NCKAP5: variants seen among roughly 807,000 people sequenced by gnomAD.
NCKAP5 encodes NCK associated protein 5.
NCKAP5 carries 92 observed loss-of-function variants against 167.0 expected under a neutral mutation model. The ratio of observed to expected loss-of-function variants is 0.55; its 90% CI spans 0.47 to 0.66. The LOEUF (loss-of-function observed/expected upper bound fraction) is 0.66. NCKAP5 is among the 30% of genes least tolerant of loss of function. NCKAP5 has a pLI of 0.00. For synonymous variants in NCKAP5, 891 were observed against 877.4 expected (o/e 1.02, Z -0.27); for missense variants, 2,378 against 2,315.0 (o/e 1.03, Z -0.56).
intron 8 of NCKAP5, among the ~76,000 whole-genome samples, chr2:132,907,818 C>T (rs555327227): frequency 2.0e-5 from 3 of 151,864 alleles, no homozygotes; most frequent in Non-Finnish European, 2.9e-5. Flanking sequence ...CCACCATGCC[C>T]GGCTAATTTT....
At chr2:132,966,131 G>T (rs550214534) in intron 7 of NCKAP5, among the ~76,000 whole-genome samples, 3 of 152,052 alleles carry the variant, frequency 2.0e-5, no homozygotes, top group Non-Finnish European at 4.4e-5. Flanking sequence ...ATGGAGACTC[G>T]CTCTGTTACC....
At chr2:132,893,496 A>G (rs1692891377) in intron 8 of NCKAP5, among the ~76,000 whole-genome samples, 1 of 152,248 alleles carries the variant, frequency 6.6e-6, no homozygotes, top group South Asian at 2.1e-4. Context: ...TGAGAACTGC[A>G]TATTGAATCT....
rs1216837165 is a variant in NCKAP5, at chr2:132,782,096, G to T, written c.4715C>A (p.Thr1572Asn). The part of the protein sequence containing the change: ...CETENELIKD[T>N]KSADNPDGGL... ...GCCATCTGGATTATCTGCTGACTTG[G>T]TGTCCTTGATAAGCTCATTTTCTGT... The change falls in exon 14 of 20, where the codon ACC becomes AAC. Residue 1572 changes from threonine (T) to asparagine (N), a missense_variant. Physicochemically the swap from Thr to Asn is moderately conservative, Grantham distance 65. This residue lies in a region of NCKAP5 where 1,325 missense variants were observed against 1,274.5 expected (regional missense o/e 1.04). Transcript: ENST00000409261. 6.2e-7 allele frequency: 1 copy of T among 1,613,922 alleles called. No homozygotes were observed. The highest frequency in any genetic ancestry group is 1.3e-5 in the African/African-American group (1 of 74,930).
intron 3 of NCKAP5, among the ~76,000 whole-genome samples, chr2:133,303,512 T>C (rs1680552886): frequency 6.6e-6 from 1 of 152,182 alleles, no homozygotes; most frequent in African/African-American, 2.4e-5. Context: ...GCAAAAGTAA[T>C]GTTTTCAAAC....
chr2:133,018,989 T>C (rs2078436969), intron 6 of NCKAP5, among the ~76,000 whole-genome samples: 2 of 152,154 alleles, frequency 1.3e-5, no homozygotes, highest in Non-Finnish European at 2.9e-5. Flanking sequence ...CTTACTAAAA[T>C]GCAATGACTC....
At chr2:133,057,458 G>C (rs562853647) in intron 6 of NCKAP5, among the ~76,000 whole-genome samples, 100 of 152,330 alleles carry the variant, frequency 6.6e-4, no homozygotes, top group African/African-American at 2.2e-3. Flanking sequence ...TACTACTTCA[G>C]TGAACACATG....
At chr2:133,320,899 A>G (rs1480766888) in intron 3 of NCKAP5, among the ~76,000 whole-genome samples, 4 of 152,126 alleles carry the variant, frequency 2.6e-5, no homozygotes, top group Non-Finnish European at 5.9e-5. Context: ...CCACAATCAC[A>G]CGTTTCCCCA....
chr2:132,709,928 T>A (rs1326875885), intron 19 of NCKAP5, among the ~76,000 whole-genome samples: 1 of 152,092 alleles, frequency 6.6e-6, no homozygotes, highest in Non-Finnish European at 1.5e-5. Flanking sequence ...ATTAAAATGG[T>A]TAATAAAAAA....
At chr2:133,477,013 C>T (rs2151301592) in intron 3 of NCKAP5, among the ~76,000 whole-genome samples, 1 of 152,326 alleles carries the variant, frequency 6.6e-6, no homozygotes, top group African/African-American at 2.4e-5. Flanking sequence ...TGGCTCTGAA[C>T]AACCTTTTCT....
In NCKAP5 at chr2:133,313,449, T is replaced by C. The variant is rs72987653; in HGVS notation, c.70-10339A>G. ...TTTTAGTTATATTTGACAAAGATGC[T>C]ATTACTAATACTTAGATATTCTTTT... On this transcript the variant is annotated intron_variant, in intron 3 of 19. Coordinates refer to ENST00000409261, the MANE Select transcript of NCKAP5 (RefSeq NM_207363.3). Among the ~76,000 whole-genome samples the C allele has an allele frequency of 3.5e-3, 529 of 152,344 alleles. 9 individuals are homozygous for C. The highest frequency in any genetic ancestry group is 0.012 in the African/African-American group (500 of 41,590).
At chr2:132,956,191 C>T (rs1323443987) in intron 8 of NCKAP5, among the ~76,000 whole-genome samples, 1 of 152,188 alleles carries the variant, frequency 6.6e-6, no homozygotes, top group Non-Finnish European at 1.5e-5. Context: ...CATCACTCTG[C>T]ATGCCATAAA....
intron 18 of NCKAP5, among the ~76,000 whole-genome samples, chr2:132,727,215 C>CA (rs1690545789): frequency 6.6e-6 from 1 of 151,728 alleles, no homozygotes. Context: ...GCAAGAGTAA[C>CA]TTTTTTTTTC....
At chr2:132,787,076 G>A (rs79662008) in intron 13 of NCKAP5, among the ~76,000 whole-genome samples, 34 of 152,236 alleles carry the variant, frequency 2.2e-4, no homozygotes, top group African/African-American at 7.5e-4. Context: ...TGGGCCAGGC[G>A]CAGTGGCTCA....
intron 6 of NCKAP5, among the ~76,000 whole-genome samples, chr2:133,059,711 G>T (rs1414075064): frequency 5.3e-5 from 8 of 151,682 alleles, no homozygotes; most frequent in African/African-American, 1.9e-4. Context: ...GAAAAAAAAG[G>T]TACGTACATT....
At chr2:132,802,875 A>AT (rs1389447299) in intron 11 of NCKAP5, among the ~76,000 whole-genome samples, 4 of 152,120 alleles carry the variant, frequency 2.6e-5, no homozygotes, top group Admixed American at 6.6e-5. Flanking sequence ...GAGAAGTGTG[A>AT]TTTTTCATCA....
Position 133,337,329 on chromosome 2 carries a change from A to G in NCKAP5, c.70-34219T>C, listed in dbSNP as rs528499205. On this transcript the variant is annotated intron_variant, in intron 3 of 19. Transcript: ENST00000409261. Reference sequence around the variant, plus strand: ...ATGTCCTTTATGCTCCAGATTCAGGACAACTTGAGATGCAGGCTTAAAGAA... The same window carrying G: ...ATGTCCTTTATGCTCCAGATTCAGGGCAACTTGAGATGCAGGCTTAAAGAA... Among the ~76,000 whole-genome samples, 3 of 152,234 alleles carry G rather than the reference A, an allele frequency of 2.0e-5. No homozygotes were observed. The South Asian group carries it at 6.2e-4, about 32-fold the overall frequency.
At chr2:132,857,567 C>A (rs1194682661) in intron 11 of NCKAP5, among the ~76,000 whole-genome samples, 1 of 152,132 alleles carries the variant, frequency 6.6e-6, no homozygotes, top group Non-Finnish European at 1.5e-5. Context: ...CAAGTAGGTT[C>A]AAATGAGCTT....
At chr2:133,617,158 T>A in the NCKAP5 span, among the ~76,000 whole-genome samples, 5 of 152,152 alleles carry the variant, frequency 3.3e-5, no homozygotes, top group Non-Finnish European at 7.3e-5. Context: ...TATCTCAAAA[T>A]AATAAGAGCT....
At chr2:133,226,562 G>A (rs538049499) in intron 4 of NCKAP5, among the ~76,000 whole-genome samples, 2 of 150,394 alleles carry the variant, frequency 1.3e-5, no homozygotes, top group Admixed American at 6.7e-5. Context: ...GTCCTAATCC[G>A]ACAGGAGTGG....
Sources: gnomAD v4.1 joint callset for allele counts (sites outside exome capture counted in the v4.1 genomes callset) on GRCh38, gnomAD v4.1.1 for gene constraint, gnomAD v4.1.1 regional missense constraint, MANE v1.5 for transcripts, NCBI Gene and HGNC (gene_info 2026-07-23, HGNC 2026-07-21) for gene names.